Variants in LRFN2 observed in about 807,000 individuals in gnomAD.
LRFN2 encodes leucine-rich repeat and fibronectin type-III domain-containing protein 2.
In LRFN2, 18 loss-of-function variants were observed where a neutral mutation model predicts 37.3. The ratio of observed to expected loss-of-function variants is 0.48; its 90% CI spans 0.33 to 0.72. The LOEUF (loss-of-function observed/expected upper bound fraction) is 0.72. Among genes scored for constraint, LRFN2 ranks in the 30% least tolerant of loss-of-function variants. The probability of loss-of-function intolerance (pLI) is 0.02; values close to 1 mark genes in which losing one functional copy is unlikely to be tolerated. For synonymous variants in LRFN2, 556 were observed against 466.6 expected, an observed-to-expected ratio of 1.19 and a Z score of -2.47; for missense variants, 1,006 against 1,060.7, an observed-to-expected ratio of 0.95 and a Z score of 0.72.
intron 1 of LRFN2, among the ~76,000 whole-genome samples, chr6:40,575,367 C>A (rs1035702951): frequency 6.6e-6 from 1 of 152,144 alleles, no homozygotes; most frequent in Non-Finnish European, 1.5e-5. Context: ...AAAGGCAGTC[C>A]TGAGAGAGAC....
intron 2 of LRFN2, 87 bp downstream of exon 2, chr6:40,431,627 A>T: frequency 1.7e-6 from 2 of 1,166,956 alleles, no homozygotes; most frequent in South Asian, 1.8e-5. Flanking sequence ...AGAGGGGTAT[A>T]GGTGGGAGCA....
intron 1 of LRFN2, among the ~76,000 whole-genome samples, chr6:40,554,148 G>A (rs1052136296): frequency 7.2e-5 from 11 of 152,176 alleles, no homozygotes; most frequent in African/African-American, 1.9e-4. Flanking sequence ...CTGTCCCCCC[G>A]AAGTGGGAGA....
chr6:40,515,848 G>A (rs985657241), intron 1 of LRFN2, among the ~76,000 whole-genome samples: 18 of 146,962 alleles, frequency 1.2e-4, no homozygotes, highest in East Asian at 2.0e-4. Flanking sequence ...AGCCGAGATC[G>A]TGCCACTGCA....
intron 1 of LRFN2, among the ~76,000 whole-genome samples, chr6:40,573,744 G>A (rs1204158446): frequency 1.3e-5 from 2 of 152,124 alleles, no homozygotes; most frequent in African/African-American, 4.8e-5. Context: ...TTGGGAGGCC[G>A]AGGCAGGTGA....
chr6:40,426,648 T>TA (rs758156522), intron 2 of LRFN2, among the ~76,000 whole-genome samples: 32 of 152,348 alleles, frequency 2.1e-4, no homozygotes, highest in Admixed American at 1.6e-3. Context: ...CATGTGTCTA[T>TA]ATGTGTGCGT....
chr6:40,463,996 C>T (rs773507031), intron 1 of LRFN2, among the ~76,000 whole-genome samples: 22 of 152,188 alleles, frequency 1.4e-4, no homozygotes, highest in Middle Eastern at 3.2e-3. Context: ...ACCTGGCCAA[C>T]TCCTAATGTC....
intron 2 of LRFN2, among the ~76,000 whole-genome samples, chr6:40,395,720 A>G (rs908334662): frequency 9.9e-5 from 15 of 152,224 alleles, no homozygotes; most frequent in Non-Finnish European, 1.9e-4. Flanking sequence ...CACAGCTGCC[A>G]TCATAATCCA....
At chr6:40,586,525 C>G (rs1023283953) in intron 1 of LRFN2, among the ~76,000 whole-genome samples, 1 of 152,116 alleles carries the variant, frequency 6.6e-6, no homozygotes, top group African/African-American at 2.4e-5. Context: ...AGGGAGTCCC[C>G]GGCGCCCCCA....
intron 1 of LRFN2, among the ~76,000 whole-genome samples, chr6:40,438,670 T>C (rs1178287429): frequency 6.6e-6 from 1 of 152,164 alleles, no homozygotes; most frequent in Non-Finnish European, 1.5e-5. Context: ...GTTTGCTTAG[T>C]AACTGGTGGT....
chr6:40,424,548 A>ATC (rs1316744233), intron 2 of LRFN2, among the ~76,000 whole-genome samples: 1 of 152,102 alleles, frequency 6.6e-6, no homozygotes, highest in Non-Finnish European at 1.5e-5. Context: ...TGTCTTCTGC[A>ATC]TCCCCTCTTG....
At chr6:40,394,954 C>CTTT (rs3048994) in intron 2 of LRFN2, among the ~76,000 whole-genome samples, 2 of 120,802 alleles carry the variant, frequency 1.7e-5, no homozygotes, top group African/African-American at 3.2e-5. Flanking sequence ...TTTTCTTTTC[C>CTTT]TTTTTTTTTT....
intron 2 of LRFN2, among the ~76,000 whole-genome samples, chr6:40,415,041 G>T (rs1763064938): frequency 6.6e-6 from 1 of 152,110 alleles, no homozygotes. Context: ...ACTGCCCACT[G>T]CCAGACCCCA....
intron 2 of LRFN2, among the ~76,000 whole-genome samples, chr6:40,409,037 A>G (rs1762906045): frequency 6.6e-6 from 1 of 152,188 alleles, no homozygotes; most frequent in African/African-American, 2.4e-5. Flanking sequence ...AGCCCTCATG[A>G]CTTTATCACC....
At chr6:40,445,409 G>C (rs1378971581) in intron 1 of LRFN2, among the ~76,000 whole-genome samples, 1 of 152,198 alleles carries the variant, frequency 6.6e-6, no homozygotes, top group Admixed American at 6.5e-5. Flanking sequence ...GGAGAGAAAA[G>C]GAAGTGGTAA....
chr6:40,479,375 T>G (rs1427830076), intron 1 of LRFN2, among the ~76,000 whole-genome samples: 2 of 152,230 alleles, frequency 1.3e-5, no homozygotes, highest in African/African-American at 4.8e-5. Flanking sequence ...CCATGGGCAC[T>G]GGCCCTACAA....
chr6:40,461,652 GATAA>G (rs1764351858), intron 1 of LRFN2, among the ~76,000 whole-genome samples: 2 of 149,806 alleles, frequency 1.3e-5, no homozygotes, highest in African/African-American at 4.9e-5. Context: ...GAATACACGA[GATAA>G]ATAAAGTAAA....
At chr6:40,548,266 C>T (rs1023297863) in intron 1 of LRFN2, among the ~76,000 whole-genome samples, 3 of 152,022 alleles carry the variant, frequency 2.0e-5, no homozygotes, top group Non-Finnish European at 4.4e-5. Context: ...CTGGTGAAAC[C>T]CTGCCTCTAC....
At chr6:40,418,364 A>C (rs1167667926) in intron 2 of LRFN2, among the ~76,000 whole-genome samples, 4 of 151,914 alleles carry the variant, frequency 2.6e-5, no homozygotes, top group Non-Finnish European at 5.9e-5. Context: ...CCTCGTGTAC[A>C]TTTTTGAACT....
intron 1 of LRFN2, among the ~76,000 whole-genome samples, chr6:40,447,401 A>G (rs867798681): frequency 6.6e-5 from 10 of 152,120 alleles, no homozygotes; most frequent in African/African-American, 2.2e-4. Context: ...TTCTTTCCCC[A>G]AATTTGCCTA....
Sources: allele counts gnomAD v4.1 joint callset (sites outside exome capture counted in the v4.1 genomes callset), GRCh38; gene constraint gnomAD v4.1.1; transcripts MANE v1.5; gene names NCBI Gene and HGNC (gene_info 2026-07-23, HGNC 2026-07-21).